Variants in APBA2 observed in about 807,000 individuals in gnomAD.
The protein encoded by APBA2 is amyloid-beta A4 precursor protein-binding family A member 2.
Under a neutral mutation model 75.0 loss-of-function variants are expected in APBA2, and 30 were observed. The ratio of observed to expected loss-of-function variants is 0.40; its 90% CI spans 0.30 to 0.54. APBA2 has a LOEUF of 0.54. Ranked by LOEUF, APBA2 falls within the 20% of genes least tolerant of loss-of-function variation. The probability of loss-of-function intolerance (pLI) is 0.49; values close to 1 mark genes in which losing one functional copy is unlikely to be tolerated. For missense variants in APBA2, 801 were observed against 1,016.1 expected (o/e 0.79, Z 2.88); for synonymous variants, 444 against 409.6 (o/e 1.08, Z -1.01).
chr15:29,014,334 A>G (rs1293985270), intron 3 of APBA2, among the ~76,000 whole-genome samples: 1 of 152,214 alleles, frequency 6.6e-6, no homozygotes, highest in Non-Finnish European at 1.5e-5. Context: ...TATATCGGAG[A>G]AAGAAGTGAG....
In APBA2 at chr15:28,973,083, AG is replaced by A. The variant is rs756930775; in HGVS notation, c.-94-22668del. 5.3e-5 allele frequency among the ~76,000 whole-genome samples: 8 copies of A among 152,348 alleles called. No homozygotes were observed. The South Asian group carries it at 1.4e-3, about 28-fold the overall frequency. On this transcript the variant is annotated intron_variant, in intron 2 of 14. Transcript: ENST00000683413. ...CTGAGGCACATGTGTTTATTTTGAG[AG>A]GAAGTTTGTAGCAATCCAGAATCAT...
intron 4 of APBA2, among the ~76,000 whole-genome samples, chr15:29,061,821 C>T (rs544072022): frequency 6.6e-6 from 1 of 152,324 alleles, no homozygotes; most frequent in African/African-American, 2.4e-5. Flanking sequence ...ACACACATGC[C>T]CCGCTGGGCA....
intron 13 of APBA2, among the ~76,000 whole-genome samples, chr15:29,113,363 G>A (rs1365182563): frequency 6.6e-6 from 1 of 151,880 alleles, no homozygotes; most frequent in Non-Finnish European, 1.5e-5. Context: ...GGGGGGGGAT[G>A]TAGGAATAAA....
At chr15:29,010,661 G>A (rs2152814482) in intron 3 of APBA2, among the ~76,000 whole-genome samples, 1 of 152,270 alleles carries the variant, frequency 6.6e-6, no homozygotes, top group African/African-American at 2.4e-5. Context: ...TGATGAGAAG[G>A]CCCAGATTAT....
chr15:29,074,845 A>C, intron 4 of APBA2, 76 bp from the exon 5 acceptor site: 1 of 1,357,552 alleles, frequency 7.4e-7, no homozygotes, highest in Non-Finnish European at 1.0e-6. Context: ...AAATTGTATC[A>C]CATTGCATAT....
intron 2 of APBA2, among the ~76,000 whole-genome samples, chr15:28,935,504 A>T (rs945513927): frequency 6.6e-6 from 1 of 152,194 alleles, no homozygotes; most frequent in African/African-American, 2.4e-5. Flanking sequence ...GTCAGGGCGT[A>T]GGACGCTAGG....
At chr15:29,032,432 A>C (rs1374428749) in intron 3 of APBA2, among the ~76,000 whole-genome samples, 3 of 151,778 alleles carry the variant, frequency 2.0e-5, no homozygotes, top group Non-Finnish European at 2.9e-5. Context: ...TGGAATGTCA[A>C]CTCCTCCTGG....
chr15:29,091,351 T>G (rs1734227039), intron 6 of APBA2, among the ~76,000 whole-genome samples: 1 of 152,102 alleles, frequency 6.6e-6, no homozygotes, highest in East Asian at 1.9e-4. Flanking sequence ...GACCCACTAC[T>G]GCCCAGGAAA....
chr15:28,889,113 C>T (rs1217470128), intron 1 of APBA2, among the ~76,000 whole-genome samples: 2 of 152,048 alleles, frequency 1.3e-5, no homozygotes, highest in South Asian at 2.1e-4. Flanking sequence ...TCCTCCCCAA[C>T]CCCCTGCCGC....
At chr15:29,111,157 G>C (rs1025771487) in intron 13 of APBA2, among the ~76,000 whole-genome samples, 1 of 152,026 alleles carries the variant, frequency 6.6e-6, no homozygotes, top group African/African-American at 2.4e-5. Flanking sequence ...CCCACGGCTC[G>C]GTGTCTCTGC....
chr15:28,961,090 A>G (rs1346897797), intron 2 of APBA2, among the ~76,000 whole-genome samples: 1 of 152,204 alleles, frequency 6.6e-6, no homozygotes, highest in Non-Finnish European at 1.5e-5. Context: ...GTGAAGACCC[A>G]GGGAGATGAT....
intron 2 of APBA2, among the ~76,000 whole-genome samples, chr15:28,927,834 C>G (rs544315128): frequency 6.6e-6 from 1 of 151,926 alleles, no homozygotes; most frequent in South Asian, 2.1e-4. Context: ...CAAAGGCATT[C>G]TTCATTTCTG....
At chr15:29,103,954 C>G (rs2044268187) in intron 10 of APBA2, among the ~76,000 whole-genome samples, 1 of 152,234 alleles carries the variant, frequency 6.6e-6, no homozygotes, top group African/African-American at 2.4e-5. Flanking sequence ...GTCGCGCCTC[C>G]AGCTGGGTCT....
At chr15:29,080,730 T>C (rs1020327357) in intron 6 of APBA2, among the ~76,000 whole-genome samples, 1 of 152,152 alleles carries the variant, frequency 6.6e-6, no homozygotes, top group African/African-American at 2.4e-5. Context: ...TGGATGAGTA[T>C]ATGTGAATGA....
intron 4 of APBA2, among the ~76,000 whole-genome samples, chr15:29,072,196 T>C (rs1359927306): frequency 6.6e-6 from 1 of 152,100 alleles, no homozygotes; most frequent in East Asian, 1.9e-4. Flanking sequence ...GGTGGGCTGG[T>C]TGATTTCTTT....
intron 2 of APBA2, among the ~76,000 whole-genome samples, chr15:28,950,894 GTTAT>G (rs2035830917): frequency 6.6e-6 from 1 of 152,168 alleles, no homozygotes; most frequent in East Asian, 1.9e-4. Flanking sequence ...CCAGTGCTGT[GTTAT>G]TTATTTTATT....
chr15:29,019,972 A>T (rs1161105636), intron 3 of APBA2, among the ~76,000 whole-genome samples: 1 of 152,234 alleles, frequency 6.6e-6, no homozygotes, highest in Non-Finnish European at 1.5e-5. Flanking sequence ...AACTTTGCAG[A>T]TGTGATAGGG....
intron 1 of APBA2, among the ~76,000 whole-genome samples, chr15:28,886,558 G>A (rs867851865): frequency 1.8e-4 from 25 of 137,226 alleles, no homozygotes; most frequent in African/African-American, 8.8e-4. Flanking sequence ...CATCCCGCGC[G>A]GGGGGCACCG....
intron 2 of APBA2, chr15:28,961,157 TA>T (rs2036448641): frequency 6.6e-6 from 1 of 152,212 alleles, no homozygotes; most frequent in Non-Finnish European, 1.5e-5. Context: ...AGGATTCCTT[TA>T]AATACCAAAT....
Sources: allele counts gnomAD v4.1 joint callset (sites outside exome capture counted in the v4.1 genomes callset), GRCh38; gene constraint gnomAD v4.1.1; transcripts MANE v1.5; gene names NCBI Gene and HGNC (gene_info 2026-07-23, HGNC 2026-07-21).